SLC9A8: variants seen among roughly 807,000 people sequenced by gnomAD.
SLC9A8 encodes solute carrier family 9 member A8, also known as sodium/hydrogen exchanger 8.
A neutral mutation model predicts 66.6 loss-of-function variants in SLC9A8; 48 were observed. That is an observed-to-expected ratio of 0.72 (90% CI 0.57 to 0.92). The LOEUF is 0.92. Ranked by LOEUF, SLC9A8 falls within the 40% of genes least tolerant of loss-of-function variation. The pLI is 0.00. For missense variants in SLC9A8, 599 were observed against 747.3 expected (o/e 0.80, Z 2.31); for synonymous variants, 274 against 282.6 (o/e 0.97, Z 0.31).
intron 3 of SLC9A8, chr20:49,830,445 G>T (rs975066637): frequency 1.2e-5 from 10 of 833,208 alleles, no homozygotes; most frequent in Non-Finnish European, 1.0e-5. Context: ...CAAGGACCTG[G>T]TGCTGGGCCC....
At chr20:49,830,438 G>A (rs2087126976) in intron 3 of SLC9A8, 6 of 838,284 alleles carry the variant, frequency 7.2e-6, no homozygotes, top group Non-Finnish European at 1.0e-5. Flanking sequence ...AGGCGGCCAA[G>A]GACCTGGTGC....
chr20:49,884,871 AG>A (rs1367656456), intron 14 of SLC9A8, among the ~76,000 whole-genome samples: 1 of 152,242 alleles, frequency 6.6e-6, no homozygotes, highest in Non-Finnish European at 1.5e-5. Flanking sequence ...ACCGAAGCAG[AG>A]GCTGCTGTAG....
intron 3 of SLC9A8, among the ~76,000 whole-genome samples, chr20:49,839,310 C>T (rs2087668723): frequency 6.6e-6 from 1 of 152,072 alleles, no homozygotes; most frequent in Non-Finnish European, 1.5e-5. Flanking sequence ...AATACTTTTC[C>T]TCCCCCACAG....
chr20:49,850,640 A>C, intron 6 of SLC9A8, 170 bp from the exon 7 acceptor site: 1 of 652,826 alleles, frequency 1.5e-6, no homozygotes, highest in Non-Finnish European at 2.5e-6. Context: ...TGCCGATGGA[A>C]TGCATGTTTC....
intron 3 of SLC9A8, among the ~76,000 whole-genome samples, chr20:49,838,546 T>C (rs1417806597): frequency 6.6e-6 from 1 of 152,202 alleles, no homozygotes; most frequent in African/African-American, 2.4e-5. Context: ...TGAACTTATC[T>C]CCCCTCTTCA....
chr20:49,835,194 GT>G (rs974199185), intron 3 of SLC9A8, among the ~76,000 whole-genome samples: 1 of 85,772 alleles, frequency 1.2e-5, no homozygotes, highest in Admixed American at 1.1e-4. Context: ...GTCTGGGTTT[GT>G]TTTTTTTTTT....
intron 14 of SLC9A8, among the ~76,000 whole-genome samples, chr20:49,885,982 T>G (rs2089876141): frequency 6.6e-6 from 1 of 152,102 alleles, no homozygotes; most frequent in Admixed American, 6.5e-5. Context: ...GGCTCAGTAT[T>G]TTGTGGTTTC....
At chr20:49,854,371 C>T (rs1011455591) in intron 7 of SLC9A8, among the ~76,000 whole-genome samples, 4 of 152,058 alleles carry the variant, frequency 2.6e-5, no homozygotes, top group South Asian at 2.1e-4. Context: ...CTTGCTCCCA[C>T]CGCAGGAGTC....
chr20:49,869,159 G>C (rs1437903418), intron 10 of SLC9A8, among the ~76,000 whole-genome samples: 1 of 152,216 alleles, frequency 6.6e-6, no homozygotes. Flanking sequence ...AGTCACAGAG[G>C]AGGGGACTTT....
intron 7 of SLC9A8, among the ~76,000 whole-genome samples, chr20:49,853,592 C>T (rs2088341253): frequency 6.6e-6 from 1 of 152,236 alleles, no homozygotes; most frequent in Admixed American, 6.5e-5. Context: ...AAAATAGGAT[C>T]TCCCAGATGG....
chr20:49,852,084 G>A (rs56230511), intron 7 of SLC9A8, among the ~76,000 whole-genome samples: 5,559 of 152,214 alleles, frequency 0.037, 145 homozygotes, highest in East Asian at 0.087. Context: ...AGAAAGTGAC[G>A]ATCCCTCAGA....
chr20:49,815,215 T>A, intron 2 of SLC9A8, 26 bp downstream of exon 2: 1 of 1,485,990 alleles, frequency 6.7e-7, no homozygotes, highest in Non-Finnish European at 9.0e-7. Flanking sequence ...GTCATCCCCA[T>A]CATCTGCCAT....
rs574659430 is a variant in SLC9A8 at position 49,838,954 on chromosome 20, T to G, written c.290-587T>G. Among the ~76,000 whole-genome samples the G allele has an allele frequency of 1.1e-4, 17 of 152,318 alleles. No individual in the cohort carries two copies. The South Asian group carries it at 2.3e-3, about 20-fold the overall frequency. ...AATCATAAATTGTGCCCATGCTGCTTCTTTGAGAATTATTTTTGGTGGCCA... is the reference window on the plus strand; with the variant it reads ...AATCATAAATTGTGCCCATGCTGCTGCTTTGAGAATTATTTTTGGTGGCCA... On this transcript the variant is annotated intron_variant, in intron 3 of 15. Coordinates refer to ENST00000361573, the MANE Select transcript of SLC9A8 (RefSeq NM_015266.3).
At chr20:49,878,957 C>T (rs889035460) in intron 12 of SLC9A8, among the ~76,000 whole-genome samples, 1 of 151,946 alleles carries the variant, frequency 6.6e-6, no homozygotes, top group African/African-American at 2.4e-5. Flanking sequence ...GCGGAGGTTG[C>T]AGTGCAGTGA....
At chr20:49,829,936 C>T (rs2146504507) in intron 3 of SLC9A8, 1 of 586,348 alleles carries the variant, frequency 1.7e-6, no homozygotes, top group Non-Finnish European at 3.4e-6. Flanking sequence ...AGCAAAGTCC[C>T]CAGAAGCGGG....
chr20:49,866,799 T>C (rs2088989199), intron 10 of SLC9A8, among the ~76,000 whole-genome samples: 1 of 152,198 alleles, frequency 6.6e-6, no homozygotes, highest in Non-Finnish European at 1.5e-5. Flanking sequence ...TTGCCTTTTT[T>C]TCTTTTTTTC....
Position 49,889,283 on chromosome 20 carries a change from TAAG to T in SLC9A8, c.*1351_*1353del, listed in dbSNP as rs1376672809. On this transcript the variant is annotated 3_prime_UTR_variant, in exon 16 of 16. Transcript: ENST00000361573. ...ACCCTGGGGTGGTTTAATTCATCAT[TAAG>T]AAGCATTCCTGCTTCTCAAGGGACA... 5 of 152,250 alleles carry T rather than the reference TAAG, an allele frequency of 3.3e-5. No individual in the cohort carries two copies. Among genetic ancestry groups the T allele is most frequent in the Non-Finnish European group, 7.3e-5 (5 of 68,062 alleles). 9.4% of individuals were successfully genotyped at this position (152,250 alleles called of 1,614,324 possible).
intron 15 of SLC9A8, among the ~76,000 whole-genome samples, chr20:49,887,147 T>C (rs1255285827): frequency 6.6e-6 from 1 of 152,204 alleles, no homozygotes; most frequent in Non-Finnish European, 1.5e-5. Context: ...TTTTCCTGGA[T>C]GATAGACTCG....
chr20:49,824,671 G>A (rs1045284871), intron 3 of SLC9A8, among the ~76,000 whole-genome samples: 1 of 152,132 alleles, frequency 6.6e-6, no homozygotes, highest in African/African-American at 2.4e-5. Flanking sequence ...GCTTCTATTA[G>A]GACTTAGAGC....
Sources: gnomAD v4.1 joint callset for allele counts (sites outside exome capture counted in the v4.1 genomes callset) on GRCh38, gnomAD v4.1.1 for gene constraint, MANE v1.5 for transcripts, NCBI Gene and HGNC (gene_info 2026-07-23, HGNC 2026-07-21) for gene names.